GALK2: variants seen among roughly 807,000 people sequenced by gnomAD.
GALK2 encodes the protein N-acetylgalactosamine kinase.
In GALK2, 36 loss-of-function variants were observed where a neutral mutation model predicts 52.4. The ratio of observed to expected loss-of-function variants is 0.69; its 90% CI spans 0.53 to 0.91. The LOEUF (loss-of-function observed/expected upper bound fraction) is 0.91. Ranked by LOEUF, GALK2 falls within the 40% of genes least tolerant of loss-of-function variation. The probability of loss-of-function intolerance (pLI) is 0.00; values close to 1 mark genes in which losing one functional copy is unlikely to be tolerated. For synonymous variants in GALK2, 176 were observed against 199.1 expected, an observed-to-expected ratio of 0.88 and a Z score of 0.98; for missense variants, 579 against 559.1, an observed-to-expected ratio of 1.04 and a Z score of -0.36.
chr15:49,334,291 C>T, downstream of GALK2: 2 of 965,976 alleles, frequency 2.1e-6, no homozygotes, highest in Non-Finnish European at 2.5e-6. Flanking sequence ...CTGAGCTTTT[C>T]CCTATAAAGT....
intron 3 of GALK2, among the ~76,000 whole-genome samples, chr15:49,233,292 C>T (rs1295439556): frequency 6.6e-6 from 1 of 152,046 alleles, no homozygotes; most frequent in African/African-American, 2.4e-5. Flanking sequence ...TTTAAATAAC[C>T]AGATCTAGTG....
At position 49,321,783 on chromosome 15, in the gene GALK2, G is replaced by T. The variant is rs148256757; in HGVS notation, c.1169+1978G>T. On this transcript the variant is annotated intron_variant, in intron 9 of 9. Transcript: ENST00000560031. ...TACTAAGATGTGATTACACTTAAAT[G>T]TGGGTCATACATACGTGTGTGTACG... Among the ~76,000 whole-genome samples the T allele has an allele frequency of 1.1e-3, 172 of 152,340 alleles. 2 individuals are homozygous for T. The highest frequency in any genetic ancestry group is 3.9e-3 in the African/African-American group (162 of 41,580).
chr15:49,330,620 A>ATCATT lies in GALK2; in HGVS notation c.*2463_*2467dup, dbSNP rs896820016. On this transcript the variant is annotated 3_prime_UTR_variant, in exon 10 of 10. Coordinates refer to ENST00000560031, the MANE Select transcript of GALK2 (RefSeq NM_002044.4). Reference sequence around the variant, plus strand: ...GTATAATAGTTTCCCTGACACTCAAATCATTTACCACTTACCAGCTGAGGT... The same window carrying ATCATT: ...GTATAATAGTTTCCCTGACACTCAAATCATTTCATTTACCACTTACCAGCTGAGGT... 1 of 152,094 alleles carries ATCATT rather than the reference A, an allele frequency of 6.6e-6. No homozygotes were observed. Among genetic ancestry groups the ATCATT allele is most frequent in the Non-Finnish European group, 1.5e-5 (1 of 68,028 alleles). 9.4% of individuals were successfully genotyped at this position (152,094 alleles called of 1,614,324 possible).
At chr15:49,240,367 ATTAT>A (rs1477558441) in intron 5 of GALK2, among the ~76,000 whole-genome samples, 1 of 152,216 alleles carries the variant, frequency 6.6e-6, no homozygotes, top group Non-Finnish European at 1.5e-5. Flanking sequence ...TCATTCAACC[ATTAT>A]TTATTTAATG....
rs758650847 is a variant in GALK2 at position 49,292,514 on chromosome 15, T to G, written c.944T>G (p.Ile315Ser). 6.2e-7 allele frequency: 1 copy of G among 1,613,872 alleles called. No individual in the cohort carries two copies. Among genetic ancestry groups the G allele is most frequent in the South Asian group, 1.1e-5 (1 of 91,068 alleles). The change falls in exon 8 of 10, where the codon ATC (isoleucine) becomes AGC (serine). Residue 315 changes from isoleucine to serine, a missense_variant. Physicochemically the swap from Ile to Ser is moderately radical, Grantham distance 142. Coordinates refer to ENST00000560031, the MANE Select transcript of GALK2 (RefSeq NM_002044.4). The part of the protein sequence containing the change: ...GISLEELRTQ[I>S]LSPNTQDVLI... ...AGCCTGGAGGAACTCCGAACCCAAA[T>G]CCTGAGTCCAAACACTCAAGATGGT...
At chr15:49,274,826 T>C (rs2141711202) in intron 5 of GALK2, among the ~76,000 whole-genome samples, 1 of 152,304 alleles carries the variant, frequency 6.6e-6, no homozygotes, top group South Asian at 2.1e-4. Context: ...GGATCATCAA[T>C]ATCACTGTGT....
chr15:49,194,599 C>CTT (rs1169116832), intron 1 of GALK2, among the ~76,000 whole-genome samples: 1 of 138,918 alleles, frequency 7.2e-6, no homozygotes, highest in Non-Finnish European at 1.6e-5. Context: ...TTTTTCTTTT[C>CTT]TTTTTTTTTT....
intron 9 of GALK2, among the ~76,000 whole-genome samples, chr15:49,322,977 GAAAAA>G (rs1291134709): frequency 8.1e-6 from 1 of 123,146 alleles, no homozygotes; most frequent in Non-Finnish European, 1.7e-5. Flanking sequence ...AAAAAAAAAA[GAAAAA>G]AAAAAAAAGA....
chr15:49,237,320 G>C (rs1321941569), intron 4 of GALK2, among the ~76,000 whole-genome samples: 2 of 152,238 alleles, frequency 1.3e-5, no homozygotes, highest in Non-Finnish European at 2.9e-5. Flanking sequence ...GAAAGTTTCA[G>C]AGAATAATTC....
At chr15:49,307,701 C>G (rs576890497) in intron 8 of GALK2, among the ~76,000 whole-genome samples, 27 of 152,262 alleles carry the variant, frequency 1.8e-4, no homozygotes, top group African/African-American at 6.5e-4. Context: ...ATGGAACAGA[C>G]CTTGAAGGCT....
chr15:49,366,436 T>C, intron 3 of GALK2: 2 of 909,724 alleles, frequency 2.2e-6, no homozygotes, highest in Non-Finnish European at 3.7e-6. Context: ...CTTTGTTCTT[T>C]ATGTCAACAG....
intron 8 of GALK2, among the ~76,000 whole-genome samples, chr15:49,306,720 C>G (rs1018431235): frequency 6.6e-6 from 1 of 152,214 alleles, no homozygotes; most frequent in African/African-American, 2.4e-5. Context: ...TCCTTCTTAA[C>G]TCTCTAGGTT....
chr15:49,328,682 A>AAAT lies in GALK2; in HGVS notation c.*528_*530dup. ...CAATTTCAGCTTCGGAACGCTATGAAAATAATACATGATTAAAGTTTCACA... is the reference window on the plus strand; with the variant it reads ...CAATTTCAGCTTCGGAACGCTATGAAAATAATAATACATGATTAAAGTTTCACA... On this transcript the variant is annotated 3_prime_UTR_variant, in exon 10 of 10. Coordinates refer to ENST00000560031, the MANE Select transcript of GALK2 (RefSeq NM_002044.4). The AAAT allele has an allele frequency of 2.6e-6, 4 of 1,552,640 alleles. No individual in the cohort carries two copies. The highest frequency in any genetic ancestry group is 3.5e-6 in the Non-Finnish European group (4 of 1,146,884).
At chr15:49,281,388 C>A (rs1307085192) in intron 5 of GALK2, among the ~76,000 whole-genome samples, 3 of 152,090 alleles carry the variant, frequency 2.0e-5, no homozygotes, top group Non-Finnish European at 4.4e-5. Context: ...AGATTTATTT[C>A]TTAATCAATA....
chr15:49,322,836 A>G (rs2037000842), intron 9 of GALK2, among the ~76,000 whole-genome samples: 1 of 152,064 alleles, frequency 6.6e-6, no homozygotes, highest in South Asian at 2.1e-4. Context: ...ATGCGCCTGT[A>G]GTCCCAGCTA....
At chr15:49,177,600 A>G (rs549815762) in intron 1 of GALK2, 2 of 183,422 alleles carry the variant, frequency 1.1e-5, no homozygotes, top group Admixed American at 1.2e-4. Flanking sequence ...CATTACTTAC[A>G]TTAGTGGTAA....
chr15:49,285,722 A>G (rs2033275669), intron 7 of GALK2, among the ~76,000 whole-genome samples: 1 of 152,064 alleles, frequency 6.6e-6, no homozygotes, highest in Admixed American at 6.6e-5. Flanking sequence ...ATTGACTATC[A>G]CATTAGCCTT....
At chr15:49,335,452 CTT>C, downstream of GALK2, 1 of 1,613,522 alleles carries the variant, frequency 6.2e-7, no homozygotes, top group Non-Finnish European at 8.5e-7. Flanking sequence ...TGCAAATTGT[CTT>C]TTTGCCTCCT....
chr15:49,306,232 T>TA (rs763742715), intron 8 of GALK2, among the ~76,000 whole-genome samples: 21 of 152,116 alleles, frequency 1.4e-4, no homozygotes, highest in Admixed American at 9.8e-4. Context: ...AGGGCCATTT[T>TA]ACATGCCAGA....
Sources: allele counts gnomAD v4.1 joint callset (sites outside exome capture counted in the v4.1 genomes callset), GRCh38; gene constraint gnomAD v4.1.1; transcripts MANE v1.5; gene names NCBI Gene and HGNC (gene_info 2026-07-23, HGNC 2026-07-21).